Variants in KIAA0753 observed in about 807,000 individuals in gnomAD.
The protein encoded by KIAA0753 is KIAA0753.
A neutral mutation model predicts 116.9 loss-of-function variants in KIAA0753; 114 were observed. The ratio of observed to expected loss-of-function variants is 0.98; its 90% CI spans 0.84 to 1.14. KIAA0753 has a LOEUF of 1.14. Ranked by LOEUF, KIAA0753 falls within the 50% of genes most tolerant of loss-of-function variation. The pLI, the probability that KIAA0753 is intolerant of heterozygous loss-of-function variation, is 0.00. For synonymous variants in KIAA0753, 405 were observed against 413.1 expected, an observed-to-expected ratio of 0.98 and a Z score of 0.24; for missense variants, 1,156 against 1,172.4, an observed-to-expected ratio of 0.99 and a Z score of 0.20.
At chr17:6,618,434 G>C (rs1259436682) in intron 7 of KIAA0753, among the ~76,000 whole-genome samples, 1 of 152,220 alleles carries the variant, frequency 6.6e-6, no homozygotes, top group African/African-American at 2.4e-5. Context: ...CCTGGGACTT[G>C]TGACTGGTGT....
intron 18 of KIAA0753, among the ~76,000 whole-genome samples, chr17:6,587,181 G>A (rs150362678): frequency 0.021 from 3,123 of 152,108 alleles, 100 homozygotes; most frequent in African/African-American, 0.07. Context: ...GCAGTGAGCC[G>A]AGATTGTACC....
intron 11 of KIAA0753, 86 bp from the exon 12 acceptor site, chr17:6,607,048 G>T: frequency 6.9e-7 from 1 of 1,443,700 alleles, no homozygotes; most frequent in Non-Finnish European, 9.7e-7. Context: ...TCCCCCCTTG[G>T]CTTCTTAAGT....
chr17:6,614,526 T>C (rs546493037), intron 7 of KIAA0753, among the ~76,000 whole-genome samples: 1 of 151,558 alleles, frequency 6.6e-6, no homozygotes, highest in South Asian at 2.1e-4. Context: ...GTAAGCAAAC[T>C]GCAAAATGAT....
chr17:6,598,408 C>T (rs1195242773), intron 14 of KIAA0753, among the ~76,000 whole-genome samples: 1 of 152,206 alleles, frequency 6.6e-6, no homozygotes, highest in Non-Finnish European at 1.5e-5. Context: ...AAATATGTTA[C>T]AGCTGAAATA....
chr17:6,598,977 C>T (rs1295378477), intron 14 of KIAA0753, among the ~76,000 whole-genome samples: 1 of 152,226 alleles, frequency 6.6e-6, no homozygotes, highest in Non-Finnish European at 1.5e-5. Flanking sequence ...GGCACCCACA[C>T]TCTGTTATCC....
At chr17:6,600,818 A>G (rs1203248645) in intron 12 of KIAA0753, 58 of 176,500 alleles carry the variant, frequency 3.3e-4, no homozygotes. Context: ...TAAACAAAAG[A>G]AACTAATTTT....
intron 3 of KIAA0753, among the ~76,000 whole-genome samples, chr17:6,627,330 C>T (rs1050198398): frequency 1.3e-5 from 2 of 152,114 alleles, no homozygotes; most frequent in Non-Finnish European, 2.9e-5. Flanking sequence ...TCTTAAGGTA[C>T]CTTAAATTCT....
chr17:6,626,699 TTAAAG>T (rs936465017), intron 3 of KIAA0753, among the ~76,000 whole-genome samples: 2 of 152,142 alleles, frequency 1.3e-5, no homozygotes, highest in Non-Finnish European at 2.9e-5. Flanking sequence ...GTACAGAAAT[TTAAAG>T]TATATGTTTA....
intron 17 of KIAA0753, among the ~76,000 whole-genome samples, chr17:6,590,279 C>T (rs567041557): frequency 3.9e-5 from 6 of 152,086 alleles, no homozygotes; most frequent in Non-Finnish European, 8.8e-5. Flanking sequence ...TGATGCTTTC[C>T]ACATTAAAAA....
At chr17:6,581,929 G>T (rs1384126237) in intron 18 of KIAA0753, among the ~76,000 whole-genome samples, 1 of 152,168 alleles carries the variant, frequency 6.6e-6, no homozygotes, top group African/African-American at 2.4e-5. Flanking sequence ...CTTCCAAGAA[G>T]CCCTCGTGCC....
chr17:6,624,737 TC>T lies in KIAA0753; in HGVS notation c.825+17del. 6.5e-7 allele frequency: 1 copy of T among 1,530,276 alleles called. No individual in the cohort carries two copies. The highest frequency in any genetic ancestry group is 8.9e-7 in the Non-Finnish European group (1 of 1,126,720). 94.8% of individuals were successfully genotyped at this position (1,530,276 alleles called of 1,614,324 possible). On this transcript the variant is annotated intron_variant, in intron 4 of 18. Coordinates refer to ENST00000361413, the MANE Select transcript of KIAA0753 (RefSeq NM_014804.3). ...TACACAAGGCTGACTGCCCTACTTCTCCCTGAACTTTTCACACCTGCTGCTG... is the reference window on the plus strand; with the variant it reads ...TACACAAGGCTGACTGCCCTACTTCTCCTGAACTTTTCACACCTGCTGCTG...
intron 4 of KIAA0753, among the ~76,000 whole-genome samples, 169 bp downstream of exon 4, chr17:6,624,582 AAAAG>A (rs1419476359): frequency 5.4e-5 from 8 of 147,908 alleles, no homozygotes; most frequent in African/African-American, 2.0e-4. Context: ...GCAGATTACA[AAAAG>A]AAAGAGAATT....
chr17:6,628,091 G>T, intron 3 of KIAA0753, 26 bp downstream of exon 3: 1 of 1,592,446 alleles, frequency 6.3e-7, no homozygotes, highest in South Asian at 1.1e-5. Flanking sequence ...GCCTTAGGTC[G>T]AAGTAAAGAA....
chr17:6,611,356 A>C (rs1159663540), intron 8 of KIAA0753, among the ~76,000 whole-genome samples: 1 of 152,030 alleles, frequency 6.6e-6, no homozygotes, highest in East Asian at 1.9e-4. Flanking sequence ...GCTGGAGTAC[A>C]GTGGATCGAT....
At position 6,606,926 on chromosome 17, in the gene KIAA0753, T is replaced by G. The variant is rs1332732443; in HGVS notation, c.1956A>C (p.Thr652=). ...CAGCTTTGAGCTCATTCAGTTCCTT[T>G]GTTCTTCTAGAAGTTTCAGCATCAA... ...DWLDAETSRR[T]KELNELKAEE... The change falls in exon 12 of 19, where the codon ACA becomes ACC. Residue 652 remains threonine (T), a synonymous_variant. Coordinates refer to ENST00000361413, the MANE Select transcript of KIAA0753 (RefSeq NM_014804.3). The G allele has an allele frequency of 8.1e-6, 13 of 1,614,166 alleles. No homozygotes were observed. Among genetic ancestry groups the G allele is most frequent in the Non-Finnish European group, 9.3e-6 (11 of 1,180,010 alleles).
chr17:6,590,011 C>A lies in KIAA0753; in HGVS notation c.2562-8G>T. 1 of 1,531,644 alleles carries A rather than the reference C, an allele frequency of 6.5e-7. No individual in the cohort carries two copies. The highest frequency in any genetic ancestry group is 1.3e-5 in the South Asian group (1 of 78,038). 94.9% of individuals were successfully genotyped at this position (1,531,644 alleles called of 1,614,324 possible). On this transcript the variant is annotated splice_region_variant and splice_polypyrimidine_tract_variant and intron_variant, in intron 17 of 18. Transcript: ENST00000361413. ...ACACTTTCATCCAGGGAACTGAGAA[C>A]AAATAAAAATGATGAAAGCATTCAA...
Position 6,610,152 on chromosome 17 carries a change from G to A in KIAA0753, c.1554C>T (p.Arg518=), listed in dbSNP as rs765105029. 4 of 1,614,050 alleles carry A rather than the reference G, an allele frequency of 2.5e-6. No homozygotes were observed. The highest frequency in any genetic ancestry group is 4.5e-5 in the East Asian group (2 of 44,886). ...GGCTTTGTCTACCTCTTTCAGCTTT[G>A]CGGAGTCCCTGTGAGAGATAAGTAA... ...TLAPARQQGL[R]KAERGRQSQP... Residue 518 remains arginine, a synonymous_variant, in exon 9 of 19, where the codon CGC becomes CGT. Coordinates refer to ENST00000361413, the MANE Select transcript of KIAA0753 (RefSeq NM_014804.3).
rs752182279 is a variant in KIAA0753, at chr17:6,628,605, C to T, written c.230G>A (p.Cys77Tyr). The T allele has an allele frequency of 3.7e-6, 6 of 1,614,082 alleles. No homozygotes were observed. The South Asian group carries it at 6.6e-5, about 18-fold the overall frequency. Residue 77 changes from cysteine (C) to tyrosine (Y), a missense_variant, in exon 3 of 19, where the codon TGT becomes TAT. Coordinates refer to ENST00000361413, the MANE Select transcript of KIAA0753 (RefSeq NM_014804.3). ...ACTGCCCAGGTCAGGACCAACTCTA[C>T]AATCTGCATCTTTACAATGGTATGA... Reference protein sequence around the residue: ...NESYHCKDADCRVGPDLGSSV... With the variant: ...NESYHCKDADYRVGPDLGSSV...
At chr17:6,587,255 A>G (rs1056838681) in intron 18 of KIAA0753, among the ~76,000 whole-genome samples, 2 of 152,198 alleles carry the variant, frequency 1.3e-5, no homozygotes, top group African/African-American at 2.4e-5. Context: ...TAAAATAATA[A>G]AAAAAGAAGA....
Sources: allele counts gnomAD v4.1 joint callset (sites outside exome capture counted in the v4.1 genomes callset), GRCh38; gene constraint gnomAD v4.1.1; transcripts MANE v1.5; gene names NCBI Gene and HGNC (gene_info 2026-07-23, HGNC 2026-07-21).